The following KCNN2 variants were observed in gnomAD, a reference collection of about 807,000 sequenced individuals.
KCNN2 encodes the protein small conductance calcium-activated potassium channel protein 2.
KCNN2 carries 24 observed loss-of-function variants against 55.5 expected under a neutral mutation model. That is an observed-to-expected ratio of 0.43 (90% CI 0.31 to 0.61). KCNN2 has a LOEUF of 0.61. Among genes scored for constraint, KCNN2 ranks in the 20% least tolerant of loss-of-function variants. The pLI is 0.08. For synonymous variants in KCNN2, 431 were observed against 336.1 expected (o/e 1.28, Z -3.09); for missense variants, 754 against 853.6 (o/e 0.88, Z 1.45).
At chr5:114,429,887 T>G (rs914398287) in intron 3 of KCNN2, among the ~76,000 whole-genome samples, 1 of 150,348 alleles carries the variant, frequency 6.7e-6, no homozygotes, top group Non-Finnish European at 1.5e-5. Flanking sequence ...TGGAAAAGAT[T>G]GTCCTTTCCC....
chr5:114,324,922 C>T (rs912621170), intron 2 of KCNN2, among the ~76,000 whole-genome samples: 1 of 152,060 alleles, frequency 6.6e-6, no homozygotes, highest in African/African-American at 2.4e-5. Context: ...ACATAAATGG[C>T]CTTAGAGAAT....
At chr5:114,249,733 A>T (rs1754820777) in intron 2 of KCNN2, among the ~76,000 whole-genome samples, 4 of 126,642 alleles carry the variant, frequency 3.2e-5, no homozygotes, top group African/African-American at 1.2e-4. Flanking sequence ...ATTAAAAAAA[A>T]ACCCTAGCTT....
chr5:114,315,459 GTGTGTGTATATA>G lies in KCNN2; in HGVS notation c.-184-45484_-184-45473del, dbSNP rs1306535168. Among the ~76,000 whole-genome samples the G allele has an allele frequency of 1.7e-4, 18 of 103,958 alleles. No individual in the cohort carries two copies. In the East Asian group the frequency reaches 2.7e-3, roughly 15 times the overall value. 68.2% of individuals were successfully genotyped at this position (103,958 alleles called of 152,430 possible). A position where few individuals can be genotyped will look rare whatever the true frequency, so the allele number is the denominator to read the frequency against. ...TGTGTGTGTGTGTGTGTGTGTGTGT[GTGTGTGTATATA>G]TATATAAAACTTCTGTTTTAAAAGT... On this transcript the variant is annotated intron_variant, in intron 2 of 10. Coordinates refer to the KCNN2 transcript ENST00000512097.
At chr5:114,221,557 G>A (rs1279208060) in exon 2 of KCNN2, among the ~76,000 whole-genome samples, 1 of 152,122 alleles carries the variant, frequency 6.6e-6, no homozygotes, top group Non-Finnish European at 1.5e-5. Flanking sequence ...TGGGATATAA[G>A]CAATAACAGT....
rs1014621276 is a variant in KCNN2, at chr5:114,496,038, C to G, written c.2232C>G (p.Ile744Met). The G allele has an allele frequency of 6.2e-7, 1 of 1,614,080 alleles. No homozygotes were observed. The highest frequency in any genetic ancestry group is 8.5e-7 in the Non-Finnish European group (1 of 1,179,982). ...TCCCTGGGCTCATAAGCCAGACCAT[C>G]AGGCAGCAGCAGAGAGATTTCATTG... The part of the protein sequence containing the change: ...HALPGLISQT[I>M]RQQQRDFIEA... Residue 744 changes from isoleucine (I) to methionine (M), a missense_variant, in exon 8 of 8, where the codon ATC (isoleucine) becomes ATG (methionine). Coordinates refer to ENST00000673685, the MANE Select transcript of KCNN2 (RefSeq NM_021614.4).
intron 4 of KCNN2, among the ~76,000 whole-genome samples, chr5:114,465,543 CG>C (rs779639430): frequency 1.3e-5 from 2 of 150,838 alleles, no homozygotes; most frequent in Non-Finnish European, 2.9e-5. Flanking sequence ...ACGTGGGAGG[CG>C]GAGGTTGCAG....
intron 1 of KCNN2, among the ~76,000 whole-genome samples, chr5:114,112,735 G>T (rs1751625634): frequency 6.6e-6 from 1 of 152,030 alleles, no homozygotes; most frequent in Non-Finnish European, 1.5e-5. Flanking sequence ...GAAACAGGAA[G>T]TATCTATATT....
At chr5:114,319,706 G>T (rs948017557) in intron 2 of KCNN2, among the ~76,000 whole-genome samples, 3 of 152,090 alleles carry the variant, frequency 2.0e-5, no homozygotes, top group Non-Finnish European at 4.4e-5. Context: ...ATTGCTCCTC[G>T]CTTCTAAATC....
intron 5 of KCNN2, among the ~76,000 whole-genome samples, chr5:114,477,648 T>C (rs1326095311): frequency 6.6e-6 from 1 of 152,172 alleles, no homozygotes; most frequent in African/African-American, 2.4e-5. Flanking sequence ...GGGCAATATA[T>C]TTACCATGCA....
chr5:114,331,374 A>G lies in KCNN2; in HGVS notation c.-184-29571A>G, dbSNP rs1454531318. Among the ~76,000 whole-genome samples the G allele has an allele frequency of 2.6e-5, 4 of 152,180 alleles. No homozygotes were observed. In the South Asian group the frequency reaches 6.2e-4, roughly 24 times the overall value. ...TTCCCCTCTCAGTGTGAAGAAGGCAATGTGGCTTGGGGTAAGCTTCACACA... is the reference window on the plus strand; with the variant it reads ...TTCCCCTCTCAGTGTGAAGAAGGCAGTGTGGCTTGGGGTAAGCTTCACACA... On this transcript the variant is annotated intron_variant, in intron 2 of 10. Transcript: ENST00000512097.
intron 2 of KCNN2, among the ~76,000 whole-genome samples, chr5:114,345,783 A>AT (rs1175354209): frequency 5.3e-5 from 8 of 151,640 alleles, no homozygotes; most frequent in African/African-American, 1.9e-4. Context: ...GGGAGCTTTT[A>AT]TTTTTTATTT....
intron 1 of KCNN2, among the ~76,000 whole-genome samples, chr5:114,155,436 A>G (rs1038568292): frequency 2.6e-5 from 4 of 151,980 alleles, no homozygotes; most frequent in African/African-American, 9.7e-5. Flanking sequence ...TGTTATTTCT[A>G]TTTTTAGGTC....
chr5:114,147,153 G>A (rs1752415812), intron 1 of KCNN2, among the ~76,000 whole-genome samples: 1 of 152,100 alleles, frequency 6.6e-6, no homozygotes, highest in Non-Finnish European at 1.5e-5. Flanking sequence ...TTCATTACTG[G>A]ATCCATCAGT....
intron 2 of KCNN2, among the ~76,000 whole-genome samples, chr5:114,314,501 C>A (rs932526599): frequency 3.3e-5 from 5 of 152,104 alleles, no homozygotes; most frequent in African/African-American, 9.7e-5. Context: ...TAAACCCTGG[C>A]AACCTCTGAT....
intron 1 of KCNN2, among the ~76,000 whole-genome samples, chr5:114,164,586 A>T (rs2112535770): frequency 6.6e-6 from 1 of 152,310 alleles, no homozygotes; most frequent in East Asian, 1.9e-4. Context: ...CAACAATAAT[A>T]TAATTGTCTC....
intron 2 of KCNN2, among the ~76,000 whole-genome samples, chr5:114,229,779 C>A (rs1754318987): frequency 6.6e-6 from 1 of 152,006 alleles, no homozygotes; most frequent in Non-Finnish European, 1.5e-5. Context: ...AAACAAGCAA[C>A]TGGACCTTTG....
At chr5:114,218,913 C>T (rs1292673058) in intron 1 of KCNN2, among the ~76,000 whole-genome samples, 1 of 152,150 alleles carries the variant, frequency 6.6e-6, no homozygotes. Flanking sequence ...GTACCTTGTT[C>T]ACTCAGCCTA....
At chr5:114,198,461 TATAC>T (rs1324465065) in intron 1 of KCNN2, among the ~76,000 whole-genome samples, 3 of 89,034 alleles carry the variant, frequency 3.4e-5, no homozygotes, top group African/African-American at 1.0e-4. Flanking sequence ...TATATATACA[TATAC>T]ACACACACAC....
chr5:114,086,876 T>C (rs184619773), intron 1 of KCNN2, among the ~76,000 whole-genome samples: 18 of 152,336 alleles, frequency 1.2e-4, no homozygotes, highest in East Asian at 5.8e-4. Context: ...CCACAGTGGC[T>C]GAACTAATTT....
Sources: allele counts gnomAD v4.1 joint callset (sites outside exome capture counted in the v4.1 genomes callset), GRCh38; gene constraint gnomAD v4.1.1; transcripts MANE v1.5; gene names NCBI Gene and HGNC (gene_info 2026-07-23, HGNC 2026-07-21).